ANKRD30BL: variants seen among roughly 807,000 people sequenced by gnomAD.
ANKRD30BL encodes the protein ankyrin repeat domain 30B like, also known as putative ankyrin repeat domain-containing protein 30B-like.
In ANKRD30BL, 20 loss-of-function variants were observed where a neutral mutation model predicts 18.4. The observed-to-expected ratio is 1.09, with a 90% CI of 0.77 to 1.58. The LOEUF (loss-of-function observed/expected upper bound fraction) is 1.58. Among genes scored for constraint, ANKRD30BL ranks in the 40% most tolerant of loss-of-function variants. The probability of loss-of-function intolerance (pLI) is 0.00; values close to 1 mark genes in which losing one functional copy is unlikely to be tolerated. For missense variants in ANKRD30BL, 224 were observed against 268.6 expected, an observed-to-expected ratio of 0.83 and a Z score of 1.16; for synonymous variants, 72 against 100.9, an observed-to-expected ratio of 0.71 and a Z score of 1.72.
intron 1 of ANKRD30BL, among the ~76,000 whole-genome samples, chr2:132,249,979 G>A (rs1281990270): frequency 6.6e-6 from 1 of 152,116 alleles, no homozygotes; most frequent in Non-Finnish European, 1.5e-5. Context: ...TAGTTTTTAT[G>A]TGAAGATATT....
intron 1 of ANKRD30BL, among the ~76,000 whole-genome samples, chr2:132,195,528 C>T (rs1428420846): frequency 2.6e-5 from 4 of 151,798 alleles, no homozygotes; most frequent in Non-Finnish European, 5.9e-5. Context: ...TGGTGGCTCA[C>T]GCCTGTAATC....
intron 1 of ANKRD30BL, among the ~76,000 whole-genome samples, chr2:132,170,845 T>C (rs1313509239): frequency 2.0e-5 from 3 of 152,230 alleles, no homozygotes; most frequent in Non-Finnish European, 4.4e-5. Context: ...GATAAACTTT[T>C]TCTTTTTTTT....
At chr2:132,237,579 C>T (rs79293579) in intron 1 of ANKRD30BL, among the ~76,000 whole-genome samples, 6 of 151,362 alleles carry the variant, frequency 4.0e-5, no homozygotes, top group African/African-American at 9.7e-5. Context: ...AGTGGATATT[C>T]GGACAGCTTT....
chr2:132,149,944 A>T (rs1687713711), intron 5 of ANKRD30BL, among the ~76,000 whole-genome samples: 1 of 152,108 alleles, frequency 6.6e-6, no homozygotes, highest in African/African-American at 2.4e-5. Flanking sequence ...TAAAATAGAA[A>T]CTATGGGTTA....
At chr2:132,164,017 T>C (rs1226673273), upstream of ANKRD30BL, among the ~76,000 whole-genome samples, 1 of 152,214 alleles carries the variant, frequency 6.6e-6, no homozygotes, top group Non-Finnish European at 1.5e-5. Context: ...AATTCTTTTA[T>C]CACATGATCA....
chr2:132,248,698 AG>A (rs1680569754), intron 1 of ANKRD30BL, among the ~76,000 whole-genome samples: 1 of 151,530 alleles, frequency 6.6e-6, no homozygotes, highest in African/African-American at 2.4e-5. Context: ...GACTCGTCAA[AG>A]AATAGAAACT....
chr2:132,237,957 A>G (rs560714455), intron 1 of ANKRD30BL, among the ~76,000 whole-genome samples: 153 of 151,860 alleles, frequency 1.0e-3, no homozygotes, highest in African/African-American at 3.5e-3. Context: ...AAAAGGAAAT[A>G]TCTTCACATA....
At chr2:132,200,102 G>A (rs556261467) in intron 1 of ANKRD30BL, among the ~76,000 whole-genome samples, 1,703 of 152,126 alleles carry the variant, frequency 0.011, 30 homozygotes, top group African/African-American at 0.039. Context: ...AACCCTTCAT[G>A]CTAAAAACTC....
At chr2:132,176,022 T>A (rs1439963528) in intron 1 of ANKRD30BL, among the ~76,000 whole-genome samples, 3 of 152,166 alleles carry the variant, frequency 2.0e-5, no homozygotes, top group Non-Finnish European at 4.4e-5. Flanking sequence ...AACAGTCTGA[T>A]CTCTCTTCCT....
At chr2:132,250,098 T>C (rs1484105643) in intron 1 of ANKRD30BL, among the ~76,000 whole-genome samples, 1 of 152,212 alleles carries the variant, frequency 6.6e-6, no homozygotes, top group Non-Finnish European at 1.5e-5. Context: ...CTCTGTGAGA[T>C]GAATCCACAC....
At position 132,176,018 on chromosome 2, in the gene ANKRD30BL, C is replaced by G. The variant is rs1310845611; in HGVS notation, n.442-18872G>C. On this transcript the variant is annotated intron_variant and non_coding_transcript_variant, in intron 1 of 4. Transcript: ENST00000470729. ...CTTTCTACATAGACACAGTAACAGT[C>G]TGATCTCTCTTCCTTTTCCCTACAA... 2.0e-5 allele frequency among the ~76,000 whole-genome samples: 3 copies of G among 152,240 alleles called. No individual in the cohort carries two copies. The East Asian group carries it at 5.8e-4, about 29-fold the overall frequency.
chr2:132,251,914 G>T (rs80057156), intron 1 of ANKRD30BL, among the ~76,000 whole-genome samples: 2 of 152,212 alleles, frequency 1.3e-5, no homozygotes, highest in African/African-American at 2.4e-5. Flanking sequence ...TGTGTTATGG[G>T]TGTTCTTTTG....
intron 1 of ANKRD30BL, chr2:132,257,188 A>C (rs112887630): frequency 2.3e-6 from 1 of 438,384 alleles, no homozygotes; most frequent in Non-Finnish European, 4.6e-6. Context: ...TCCATCCTCC[A>C]ACCCGGTCAA....
At chr2:132,198,313 TTTC>T (rs1679013416) in intron 1 of ANKRD30BL, among the ~76,000 whole-genome samples, 1 of 37,432 alleles carries the variant, frequency 2.7e-5, no homozygotes, top group Non-Finnish European at 4.9e-5. Context: ...TCTTTCTTTC[TTTC>T]TTTCTTTCTT....
chr2:132,255,935 C>T (rs909468567), intron 1 of ANKRD30BL, among the ~76,000 whole-genome samples: 4 of 152,144 alleles, frequency 2.6e-5, no homozygotes, highest in Admixed American at 1.3e-4. Flanking sequence ...ACCCCCCGGC[C>T]GGGGACGGAG....
intron 1 of ANKRD30BL, among the ~76,000 whole-genome samples, chr2:132,245,260 A>G (rs543512254): frequency 6.6e-6 from 1 of 152,394 alleles, no homozygotes; most frequent in South Asian, 2.1e-4. Flanking sequence ...TTTGCTGTAA[A>G]CGGGAATATC....
At chr2:132,215,546 A>T (rs1679475288) in intron 1 of ANKRD30BL, among the ~76,000 whole-genome samples, 1 of 152,242 alleles carries the variant, frequency 6.6e-6, no homozygotes, top group Non-Finnish European at 1.5e-5. Flanking sequence ...ATTAGACAGA[A>T]GCATTCTGAC....
chr2:132,179,293 T>C (rs1345371955), intron 1 of ANKRD30BL, among the ~76,000 whole-genome samples: 1 of 27,114 alleles, frequency 3.7e-5, no homozygotes, highest in African/African-American at 6.5e-4. Flanking sequence ...CTTTTTATCT[T>C]TTTTTTTTTT....
chr2:132,178,097 CG>C (rs1297428414), intron 1 of ANKRD30BL, among the ~76,000 whole-genome samples: 3 of 152,028 alleles, frequency 2.0e-5, no homozygotes, highest in African/African-American at 7.2e-5. Flanking sequence ...AACAGTTAAT[CG>C]GTGAATTCAC....
Sources: gnomAD v4.1 joint callset for allele counts (sites outside exome capture counted in the v4.1 genomes callset) on GRCh38, gnomAD v4.1.1 for gene constraint, MANE v1.5 for transcripts, NCBI Gene and HGNC (gene_info 2026-07-23, HGNC 2026-07-21) for gene names.